The following RBBP8NL variants were observed in gnomAD, a reference collection of about 807,000 sequenced individuals.
RBBP8NL encodes the protein RBBP8 N-terminal like.
RBBP8NL carries 59 observed loss-of-function variants against 62.2 expected under a neutral mutation model. The ratio of observed to expected loss-of-function variants is 0.95; its 90% confidence interval spans 0.77 to 1.18. The LOEUF is 1.18. Among genes scored for constraint, RBBP8NL ranks in the 50% most tolerant of loss-of-function variants. The pLI, the probability that RBBP8NL is intolerant of heterozygous loss-of-function variation, is 0.00. For missense variants in RBBP8NL, 896 were observed against 899.5 expected (o/e 1.00, Z 0.05); for synonymous variants, 412 against 394.1 (o/e 1.05, Z -0.54).
chr20:62,412,675 C>T lies in RBBP8NL; in HGVS notation c.1825G>A (p.Gly609Arg), dbSNP rs541334076. The T allele has an allele frequency of 1.2e-5, 19 of 1,608,440 alleles. No individual in the cohort carries two copies. Among genetic ancestry groups the T allele is most frequent in the South Asian group, 3.3e-5 (3 of 91,088 alleles). ...GPECICTQEH[G>R]QGPPRKRKRA... is the part of the protein sequence containing the mutation. ...TTCCTCTTCCGTGGTGGACCCTGCCCGTGCTCCTGGGTGCAGATGCACTCA... is the reference window on the plus strand; with the variant it reads ...TTCCTCTTCCGTGGTGGACCCTGCCTGTGCTCCTGGGTGCAGATGCACTCA... Residue 609 changes from glycine to arginine, a missense_variant, in exon 13 of 14, where the codon GGG (glycine) becomes AGG (arginine). Physicochemically the swap from Gly to Arg is moderately radical, Grantham distance 125. Coordinates refer to ENST00000252998, the MANE Select transcript of RBBP8NL (RefSeq NM_080833.3).
intron 8 of RBBP8NL, 46 bp downstream of exon 8, chr20:62,415,532 G>A (rs745319019): frequency 2.5e-6 from 4 of 1,593,974 alleles, no homozygotes; most frequent in Non-Finnish European, 2.6e-6. Context: ...CCTCCTGCCT[G>A]CGCCGGCCCA....
At chr20:62,422,291 C>T (rs1472368780) in intron 1 of RBBP8NL, among the ~76,000 whole-genome samples, 1 of 152,026 alleles carries the variant, frequency 6.6e-6, no homozygotes, top group East Asian at 2.0e-4. Flanking sequence ...ACAGAACCGT[C>T]CCGAACAGGA....
intron 10 of RBBP8NL, 88 bp downstream of exon 10, chr20:62,413,733 G>T: frequency 6.8e-7 from 1 of 1,468,450 alleles, no homozygotes. Context: ...AGAGGGAAAA[G>T]AGCAGCCCGA....
rs554624207 is a variant in RBBP8NL, at chr20:62,423,823, T to C, written c.-84+3637A>G. 6.9e-4 allele frequency among the ~76,000 whole-genome samples: 105 copies of C among 152,116 alleles called. 1 individual carries two copies. The highest frequency in any genetic ancestry group is 2.5e-3 in the African/African-American group (103 of 41,516). On this transcript the variant is annotated intron_variant, in intron 1 of 13. Coordinates refer to ENST00000252998, the MANE Select transcript of RBBP8NL (RefSeq NM_080833.3). Reference sequence around the variant, plus strand: ...GGGAAGTTGCAAGCCTTGGTGCTTTTGGGGAGAAGAAATGAACCAGGATTG... The same window carrying C: ...GGGAAGTTGCAAGCCTTGGTGCTTTCGGGGAGAAGAAATGAACCAGGATTG...
Position 62,415,947 on chromosome 20 carries a change from T to C in RBBP8NL, c.387-2A>G, listed in dbSNP as rs1448490994. 2.0e-6 allele frequency: 3 copies of C among 1,524,486 alleles called. No homozygotes were observed. The highest frequency in any genetic ancestry group is 2.2e-4 in the Middle Eastern group (1 of 4,646). 94.4% of individuals were successfully genotyped at this position (1,524,486 alleles called of 1,614,324 possible). A position where few individuals can be genotyped will look rare whatever the true frequency, so the allele number is the denominator to read the frequency against. ...TTGGCCCGGGGCTTGGGCCTGTCTC[T>C]AGAGGGGAGGCAGAGACAGGGAGGG... On this transcript the variant is annotated splice_acceptor_variant, in intron 6 of 13. Transcript: ENST00000252998. LOFTEE classifies it high-confidence loss of function.
intron 1 of RBBP8NL, among the ~76,000 whole-genome samples, chr20:62,421,325 G>A (rs1462707534): frequency 6.6e-6 from 1 of 150,444 alleles, no homozygotes; most frequent in Non-Finnish European, 1.5e-5. Flanking sequence ...CCGAGCCAGT[G>A]TGTGTCCCAT....
chr20:62,415,773 C>A lies in RBBP8NL; in HGVS notation c.544+15G>T, dbSNP rs768653440. 1.9e-6 allele frequency: 3 copies of A among 1,611,324 alleles called. No individual in the cohort carries two copies. Among genetic ancestry groups the A allele is most frequent in the Non-Finnish European group, 2.5e-6 (3 of 1,179,788 alleles). ...GGGGGCCCAGCCTCCCAGCCTCACC[C>A]GGTCCCCACAGCACCTTCTCCCCGT... On this transcript the variant is annotated intron_variant, in intron 7 of 13. Transcript: ENST00000252998.
chr20:62,420,929 G>C (rs1988683727), intron 1 of RBBP8NL, among the ~76,000 whole-genome samples: 1 of 152,258 alleles, frequency 6.6e-6, no homozygotes, highest in South Asian at 2.1e-4. Context: ...ACCTGGGCTG[G>C]AGCACTCATC....
At chr20:62,418,560 C>T in intron 2 of RBBP8NL, 95 bp from the exon 3 acceptor site, 1 of 1,241,722 alleles carries the variant, frequency 8.1e-7, no homozygotes, top group Non-Finnish European at 1.1e-6. Context: ...TGCAATGTGG[C>T]ACTCCTGTCC....
Position 62,416,805 on chromosome 20 carries a change from ACTC to A in RBBP8NL, c.265_267del (p.Glu89del), listed in dbSNP as rs1569025226. On this transcript the variant is annotated inframe_deletion, in exon 5 of 14. Transcript: ENST00000252998. ...AGGTTCTGCAGGTGGGAGCTCTCGAACTCCTGCTGCCGCTTCCTGGCCAGCTCC... is the reference window on the plus strand; with the variant it reads ...AGGTTCTGCAGGTGGGAGCTCTCGAACTGCTGCCGCTTCCTGGCCAGCTCC... The A allele has an allele frequency of 1.9e-6, 3 of 1,589,456 alleles. No homozygotes were observed. Among genetic ancestry groups the A allele is most frequent in the Non-Finnish European group, 2.6e-6 (3 of 1,167,896 alleles).
chr20:62,410,553 G>GT lies in RBBP8NL; in HGVS notation c.*324_*325insA. On this transcript the variant is annotated 3_prime_UTR_variant, in exon 14 of 14. Coordinates refer to ENST00000252998, the MANE Select transcript of RBBP8NL (RefSeq NM_080833.3). The stretch of plus-strand genomic sequence containing the variant: ...GTGCTGGGCTGTGGGAGGGGCCGCA[G>GT]AGCATTTCCCAGGTGGGTGGAGACG... 2 of 367,294 alleles carry GT rather than the reference G, an allele frequency of 5.4e-6. No homozygotes were observed. The highest frequency in any genetic ancestry group is 4.4e-5 in the South Asian group (1 of 22,758). The allele number at this position is 367,294 out of a possible 1,614,324, so 22.8% of individuals were successfully genotyped here. A position where few individuals can be genotyped will look rare whatever the true frequency, so the allele number is the denominator to read the frequency against.
intron 5 of RBBP8NL, 58 bp from the exon 6 acceptor site, chr20:62,416,294 T>TGGGGTGGGGGGGGGGGGGG: frequency 5.8e-6 from 3 of 515,286 alleles, no homozygotes; most frequent in Non-Finnish European, 1.1e-5. Context: ...GGGGCAGGGG[T>TGGGGTGGGGGGGGGGGGGG]GGGGTCGTCA....
intron 1 of RBBP8NL, among the ~76,000 whole-genome samples, chr20:62,420,111 A>G (rs1002009127): frequency 6.6e-6 from 1 of 152,060 alleles, no homozygotes; most frequent in Non-Finnish European, 1.5e-5. Context: ...ACCTCAATGG[A>G]GGGACAGGGA....
intron 5 of RBBP8NL, among the ~76,000 whole-genome samples, chr20:62,416,521 G>A (rs755658975): frequency 5.3e-5 from 8 of 152,208 alleles, no homozygotes; most frequent in Non-Finnish European, 8.8e-5. Context: ...AGGAGGCCGC[G>A]CCCAGTGGGG....
chr20:62,425,572 C>G (rs1049355909), intron 1 of RBBP8NL, among the ~76,000 whole-genome samples: 3 of 152,236 alleles, frequency 2.0e-5, no homozygotes, highest in African/African-American at 7.2e-5. Context: ...TGTTCTTACC[C>G]TGTCCTCTGG....
At chr20:62,413,679 G>C in intron 10 of RBBP8NL, 134 bp from the exon 11 acceptor site, 1 of 1,404,790 alleles carries the variant, frequency 7.1e-7, no homozygotes, top group Admixed American at 2.7e-5. Flanking sequence ...TTATAGTGTG[G>C]ATGAGGCAGC....
chr20:62,422,623 A>ACAGGGCCCGGG (rs1988728825), intron 1 of RBBP8NL, among the ~76,000 whole-genome samples: 1 of 34,314 alleles, frequency 2.9e-5, no homozygotes. Context: ...TGGGGCCCGG[A>ACAGGGCCCGGG]GTGGGGATGG....
rs762316630 is a variant in RBBP8NL at position 62,415,121 on chromosome 20, C to T, written c.794G>A (p.Ser265Asn). The change falls in exon 9 of 14, where the codon AGC (serine) becomes AAC (asparagine). Residue 265 changes from serine (S) to asparagine (N), a missense_variant and splice_region_variant. Coordinates refer to ENST00000252998, the MANE Select transcript of RBBP8NL (RefSeq NM_080833.3). ...GGGTGAGGGTGGGGCAGGCGGGCAC[C>T]TGTCCAGGGAGAGGCCACGCTCATA... ...PAYERGLSLD[S>N]FLRASRPSAM... The T allele has an allele frequency of 6.8e-7, 1 of 1,462,074 alleles. No homozygotes were observed. Among genetic ancestry groups the T allele is most frequent in the Non-Finnish European group, 9.1e-7 (1 of 1,103,408 alleles). 90.6% of individuals were successfully genotyped at this position (1,462,074 alleles called of 1,614,324 possible).
At chr20:62,426,101 C>CGGCAGT (rs1016178221) in intron 1 of RBBP8NL, among the ~76,000 whole-genome samples, 1 of 147,906 alleles carries the variant, frequency 6.8e-6, no homozygotes, top group Non-Finnish European at 1.5e-5. Flanking sequence ...GCAGCGGCAG[C>CGGCAGT]GGCAGTGGCA....
Sources: allele counts gnomAD v4.1 joint callset (sites outside exome capture counted in the v4.1 genomes callset), GRCh38; gene constraint gnomAD v4.1.1; transcripts MANE v1.5; gene names NCBI Gene and HGNC (gene_info 2026-07-23, HGNC 2026-07-21).